Variants in DPYD observed in about 807,000 individuals in gnomAD.
DPYD encodes the protein dihydropyrimidine dehydrogenase [NADP(+)].
In DPYD, 109 loss-of-function variants were observed where a neutral mutation model predicts 116.2. The observed-to-expected ratio is 0.94, with a 90% confidence interval of 0.80 to 1.10. DPYD has a LOEUF of 1.10. DPYD is among the 50% of genes least tolerant of loss of function. DPYD has a pLI of 0.00. For synonymous variants in DPYD, 440 were observed against 432.0 expected (o/e 1.02, Z -0.23); for missense variants, 1,302 against 1,254.5 (o/e 1.04, Z -0.57).
At chr1:97,231,560 G>A (rs930013447) in intron 19 of DPYD, among the ~76,000 whole-genome samples, 7 of 151,992 alleles carry the variant, frequency 4.6e-5, no homozygotes, top group Admixed American at 4.6e-4. Flanking sequence ...TCACTGTCAG[G>A]AAAGCACAGG....
intron 9 of DPYD, 148 bp from the exon 10 acceptor site, chr1:97,593,535 G>T: frequency 1.1e-6 from 1 of 880,860 alleles, no homozygotes; most frequent in Non-Finnish European, 1.8e-6. Context: ...CTGCTTCATT[G>T]AAAGACAGTT....
chr1:97,550,370 T>G (rs1651226798), intron 11 of DPYD, among the ~76,000 whole-genome samples: 1 of 152,158 alleles, frequency 6.6e-6, no homozygotes, highest in Non-Finnish European at 1.5e-5. Context: ...TAATTCCTTG[T>G]GGAAATTGCT....
intron 5 of DPYD, chr1:97,719,771 C>T (rs892917801): frequency 2.6e-5 from 26 of 984,782 alleles, no homozygotes; most frequent in African/African-American, 8.8e-5. Context: ...GTAGTTCCCA[C>T]GAGGACATTT....
At chr1:97,257,435 G>GTGTATA (rs1663557018) in intron 18 of DPYD, among the ~76,000 whole-genome samples, 3 of 136,142 alleles carry the variant, frequency 2.2e-5, no homozygotes, top group African/African-American at 8.7e-5. Context: ...ATATACATAC[G>GTGTATA]TATATATATA....
chr1:97,382,144 G>A (rs551681478), intron 15 of DPYD, among the ~76,000 whole-genome samples: 1 of 152,266 alleles, frequency 6.6e-6, no homozygotes, highest in African/African-American at 2.4e-5. Context: ...TGGATTCAGA[G>A]AATAAAGGAT....
At chr1:97,165,383 A>C (rs1288070273) in intron 20 of DPYD, among the ~76,000 whole-genome samples, 1 of 152,222 alleles carries the variant, frequency 6.6e-6, no homozygotes, top group Non-Finnish European at 1.5e-5. Flanking sequence ...CATATGCAGA[A>C]GATTAAAATT....
At chr1:97,504,032 C>T (rs561080668) in intron 13 of DPYD, among the ~76,000 whole-genome samples, 6 of 152,100 alleles carry the variant, frequency 3.9e-5, no homozygotes, top group African/African-American at 1.4e-4. Context: ...GGAACTCTTA[C>T]ACCCTTCACT....
chr1:97,268,350 T>C (rs974966674), intron 18 of DPYD, among the ~76,000 whole-genome samples: 1 of 152,156 alleles, frequency 6.6e-6, no homozygotes, highest in African/African-American at 2.4e-5. Flanking sequence ...CCCATGGCTC[T>C]ACTAAGTAAT....
At chr1:97,308,283 C>G (rs1182827354) in intron 16 of DPYD, 1 of 151,708 alleles carries the variant, frequency 6.6e-6, no homozygotes, top group East Asian at 1.9e-4. Context: ...CTTGAATCAT[C>G]TGTCTCTATT....
chr1:97,617,665 G>A (rs1031542148), intron 8 of DPYD, among the ~76,000 whole-genome samples: 3 of 152,128 alleles, frequency 2.0e-5, no homozygotes, highest in Non-Finnish European at 4.4e-5. Flanking sequence ...GGTTGGGGGT[G>A]TCTGCTGACA....
chr1:97,796,692 C>T (rs922285415), intron 3 of DPYD, among the ~76,000 whole-genome samples: 1 of 152,080 alleles, frequency 6.6e-6, no homozygotes, highest in Non-Finnish European at 1.5e-5. Context: ...AGAGAACAAA[C>T]ATCCAGGAGT....
chr1:97,870,283 T>C (rs1571502879), intron 2 of DPYD, among the ~76,000 whole-genome samples: 2 of 152,008 alleles, frequency 1.3e-5, no homozygotes, highest in East Asian at 3.9e-4. Context: ...AAATAGGGTA[T>C]AACACATTTT....
intron 20 of DPYD, among the ~76,000 whole-genome samples, chr1:97,110,388 AG>A (rs1651505316): frequency 6.6e-6 from 1 of 152,050 alleles, no homozygotes; most frequent in South Asian, 2.1e-4. Context: ...CTACTAAGAG[AG>A]GTATCCTATG....
At chr1:97,662,802 T>A (rs1020709277) in intron 8 of DPYD, among the ~76,000 whole-genome samples, 1 of 152,098 alleles carries the variant, frequency 6.6e-6, no homozygotes, top group Non-Finnish European at 1.5e-5. Flanking sequence ...ACACTATGAA[T>A]AAATCATGTT....
chr1:97,636,106 C>T (rs1368395943), intron 8 of DPYD, among the ~76,000 whole-genome samples: 1 of 152,046 alleles, frequency 6.6e-6, no homozygotes, highest in African/African-American at 2.4e-5. Flanking sequence ...CAGGCATGAG[C>T]CACTGCACCC....
intron 16 of DPYD, among the ~76,000 whole-genome samples, chr1:97,348,954 G>A (rs1159660526): frequency 1.3e-5 from 2 of 152,158 alleles, no homozygotes; most frequent in African/African-American, 4.8e-5. Context: ...AAGACACAGT[G>A]AGGAAATCAC....
chr1:97,177,566 C>CTTT (rs77118571), intron 20 of DPYD, among the ~76,000 whole-genome samples: 1 of 135,188 alleles, frequency 7.4e-6, no homozygotes, highest in African/African-American at 2.7e-5. Flanking sequence ...TTCTTTCTTT[C>CTTT]TTTTTTTTTT....
intron 5 of DPYD, chr1:97,719,960 C>G: frequency 1.0e-6 from 1 of 984,948 alleles, no homozygotes; most frequent in Non-Finnish European, 1.2e-6. Flanking sequence ...TGACCACTCT[C>G]AAATTTTAGT....
At chr1:97,663,942 AT>A (rs1017334465) in intron 8 of DPYD, among the ~76,000 whole-genome samples, 2 of 152,092 alleles carry the variant, frequency 1.3e-5, no homozygotes, top group African/African-American at 4.8e-5. Context: ...AGTGAGCAAA[AT>A]TTTTTGGATG....
Sources: gnomAD v4.1 joint callset for allele counts (sites outside exome capture counted in the v4.1 genomes callset) on GRCh38, gnomAD v4.1.1 for gene constraint, MANE v1.5 for transcripts, NCBI Gene and HGNC (gene_info 2026-07-23, HGNC 2026-07-21) for gene names.